The following SHISA6 variants were observed in gnomAD, a reference collection of about 807,000 sequenced individuals.
SHISA6 encodes the protein protein shisa-6.
In SHISA6, 22 loss-of-function variants were observed where a neutral mutation model predicts 47.9. The observed-to-expected ratio is 0.46, with a 90% CI of 0.33 to 0.66. The LOEUF is 0.66. SHISA6 is among the 30% of genes least tolerant of loss of function. SHISA6 has a pLI of 0.02. For synonymous variants in SHISA6, 388 were observed against 337.8 expected (o/e 1.15, Z -1.63); for missense variants, 680 against 764.6 (o/e 0.89, Z 1.30).
chr17:11,248,233 C>T (rs758002575), intron 1 of SHISA6, among the ~76,000 whole-genome samples: 2 of 152,098 alleles, frequency 1.3e-5, no homozygotes, highest in Non-Finnish European at 1.5e-5. Context: ...TTTTTTTAAT[C>T]TCTCGAAGTG....
chr17:11,495,873 CAGTT>C (rs567085829), intron 3 of SHISA6, among the ~76,000 whole-genome samples: 27 of 152,202 alleles, frequency 1.8e-4, no homozygotes, highest in Admixed American at 7.8e-4. Flanking sequence ...CTAAATCACA[CAGTT>C]AGAAGCTGAG....
At chr17:11,434,505 C>T (rs1914881248) in intron 3 of SHISA6, among the ~76,000 whole-genome samples, 1 of 152,088 alleles carries the variant, frequency 6.6e-6, no homozygotes, top group Non-Finnish European at 1.5e-5. Flanking sequence ...TTTGACGGCC[C>T]CTAAAATCAA....
chr17:11,555,132 T>C (rs1349420606), intron 4 of SHISA6, among the ~76,000 whole-genome samples: 1 of 151,984 alleles, frequency 6.6e-6, no homozygotes, highest in East Asian at 1.9e-4. Flanking sequence ...AGAAAGGAAT[T>C]AGAGTAAGAT....
At position 11,487,398 on chromosome 17, in the gene SHISA6, CA is replaced by C. The variant is rs367638098; in HGVS notation, c.896-64497del. On this transcript the variant is annotated intron_variant, in intron 3 of 5. Transcript: ENST00000441885. The stretch of plus-strand genomic sequence containing the variant: ...TTTCATTACTTGCAAAATAGACTTT[CA>C]CACTAGCTTGTCATAACTGGCCATA... Among the ~76,000 whole-genome samples, 70 of 152,294 alleles carry C rather than the reference CA, an allele frequency of 4.6e-4. 1 individual carries two copies. The highest frequency in any genetic ancestry group is 1.6e-3 in the African/African-American group (67 of 41,562).
intron 3 of SHISA6, among the ~76,000 whole-genome samples, chr17:11,452,841 TCTA>T (rs1915439462): frequency 1.3e-5 from 2 of 150,940 alleles, no homozygotes; most frequent in African/African-American, 4.9e-5. Flanking sequence ...ACTCTCTTCC[TCTA>T]CTCCTTGTTC....
chr17:11,497,635 G>A (rs1007479173), intron 3 of SHISA6, among the ~76,000 whole-genome samples: 3 of 152,174 alleles, frequency 2.0e-5, no homozygotes, highest in Non-Finnish European at 1.5e-5. Context: ...CCCCAAAGCT[G>A]GCCATAAATT....
intron 3 of SHISA6, among the ~76,000 whole-genome samples, chr17:11,407,805 G>A (rs1597497997): frequency 6.6e-6 from 1 of 152,090 alleles, no homozygotes; most frequent in Non-Finnish European, 1.5e-5. Context: ...GCTCTCTGGG[G>A]ATGTGGTCCA....
chr17:11,316,858 A>AT (rs1255875832), intron 2 of SHISA6, among the ~76,000 whole-genome samples: 1 of 152,078 alleles, frequency 6.6e-6, no homozygotes, highest in Non-Finnish European at 1.5e-5. Context: ...TTGTTTTATT[A>AT]TTTTTTAAAT....
At chr17:11,476,795 A>T (rs1916062542) in intron 3 of SHISA6, among the ~76,000 whole-genome samples, 1 of 152,194 alleles carries the variant, frequency 6.6e-6, no homozygotes, top group Admixed American at 6.5e-5. Flanking sequence ...GGTGTTATTG[A>T]GTTTAACTAG....
chr17:11,467,559 G>T (rs1915840413), intron 3 of SHISA6, among the ~76,000 whole-genome samples: 1 of 152,152 alleles, frequency 6.6e-6, no homozygotes, highest in Admixed American at 6.5e-5. Flanking sequence ...CTCCCTCATT[G>T]TGATATCCAA....
At chr17:11,316,634 A>G (rs1335367746) in intron 2 of SHISA6, among the ~76,000 whole-genome samples, 1 of 151,812 alleles carries the variant, frequency 6.6e-6, no homozygotes, top group East Asian at 1.9e-4. Context: ...CTTAGCCAGG[A>G]TGGTCTCGAT....
intron 3 of SHISA6, among the ~76,000 whole-genome samples, chr17:11,492,292 A>G (rs554837819): frequency 1.3e-4 from 20 of 152,262 alleles, no homozygotes; most frequent in African/African-American, 3.8e-4. Context: ...GCTCAATAGC[A>G]TCAGTAGTTA....
intron 2 of SHISA6, among the ~76,000 whole-genome samples, chr17:11,305,046 G>T (rs1325491181): frequency 6.6e-6 from 1 of 152,242 alleles, no homozygotes; most frequent in Non-Finnish European, 1.5e-5. Context: ...GACCTGTGGT[G>T]TTGGGGCTTT....
At chr17:11,321,069 T>A (rs1212335719) in intron 2 of SHISA6, among the ~76,000 whole-genome samples, 1 of 152,146 alleles carries the variant, frequency 6.6e-6, no homozygotes, top group East Asian at 1.9e-4. Context: ...TCTCACCAAA[T>A]AAGAGGGATG....
chr17:11,249,301 C>T (rs1271917004), intron 1 of SHISA6, among the ~76,000 whole-genome samples: 2 of 105,228 alleles, frequency 1.9e-5, no homozygotes, highest in South Asian at 3.4e-4. Flanking sequence ...TGTGTGTGCG[C>T]GTGCGTGTGT....
In SHISA6 at chr17:11,450,773, C is replaced by T. The variant is rs551256280; in HGVS notation, c.895+71264C>T. ...AATATAAATAATCCAGGAAATCGCA[C>T]CAAGGAAGGAAGAATTTTGAGAAAG... On this transcript the variant is annotated intron_variant, in intron 3 of 5. Transcript: ENST00000441885. Among the ~76,000 whole-genome samples, 5 of 151,942 alleles carry T rather than the reference C, an allele frequency of 3.3e-5. No individual in the cohort carries two copies. The South Asian group carries it at 8.3e-4, about 25-fold the overall frequency.
At chr17:11,326,589 C>T (rs1429876981) in intron 2 of SHISA6, among the ~76,000 whole-genome samples, 2 of 152,186 alleles carry the variant, frequency 1.3e-5, no homozygotes, top group Non-Finnish European at 2.9e-5. Context: ...TGGCCAGCGC[C>T]TCAACCTTCC....
At chr17:11,484,060 C>A (rs1036491532) in intron 3 of SHISA6, among the ~76,000 whole-genome samples, 7 of 152,038 alleles carry the variant, frequency 4.6e-5, no homozygotes, top group Non-Finnish European at 8.8e-5. Flanking sequence ...AACATATTTA[C>A]AAAAATTAAC....
At chr17:11,527,576 T>C (rs2071696796) in intron 3 of SHISA6, among the ~76,000 whole-genome samples, 1 of 152,120 alleles carries the variant, frequency 6.6e-6, no homozygotes, top group African/African-American at 2.4e-5. Flanking sequence ...AAAAAACTGG[T>C]TTGTCTGGGT....
Sources: gnomAD v4.1 joint callset for allele counts (sites outside exome capture counted in the v4.1 genomes callset) on GRCh38, gnomAD v4.1.1 for gene constraint, MANE v1.5 for transcripts, NCBI Gene and HGNC (gene_info 2026-07-23, HGNC 2026-07-21) for gene names.